PTPN14: variants seen among roughly 807,000 people sequenced by gnomAD.
PTPN14 encodes protein tyrosine phosphatase non-receptor type 14.
PTPN14 carries 53 observed loss-of-function variants against 126.8 expected under a neutral mutation model. The ratio of observed to expected loss-of-function variants is 0.42; its 90% CI spans 0.34 to 0.53. The LOEUF (loss-of-function observed/expected upper bound fraction) is 0.53. PTPN14 is among the 20% of genes least tolerant of loss of function. The probability of loss-of-function intolerance (pLI) is 0.08; values close to 1 mark genes in which losing one functional copy is unlikely to be tolerated. For synonymous variants in PTPN14, 630 were observed against 599.3 expected (o/e 1.05, Z -0.75); for missense variants, 1,257 against 1,552.9 (o/e 0.81, Z 3.20).
intron 3 of PTPN14, among the ~76,000 whole-genome samples, chr1:214,428,837 C>T (rs1659735310): frequency 6.6e-6 from 1 of 152,202 alleles, no homozygotes; most frequent in Non-Finnish European, 1.5e-5. Flanking sequence ...TTAAAAACAT[C>T]ATCATTTTTT....
intron 1 of PTPN14, among the ~76,000 whole-genome samples, chr1:214,524,007 G>A (rs953390417): frequency 1.3e-5 from 2 of 151,730 alleles, no homozygotes; most frequent in South Asian, 2.1e-4. Context: ...GCACCAACAC[G>A]CCTGGCTAAT....
intron 1 of PTPN14, among the ~76,000 whole-genome samples, chr1:214,523,282 C>T (rs12565444): frequency 0.029 from 4,473 of 152,218 alleles, 258 homozygotes; most frequent in East Asian, 0.26. Context: ...ACTGGAAGTC[C>T]TTCCTAACCA....
At chr1:214,425,190 G>A (rs1258067009) in intron 3 of PTPN14, among the ~76,000 whole-genome samples, 1 of 152,136 alleles carries the variant, frequency 6.6e-6, no homozygotes, top group Non-Finnish European at 1.5e-5. Flanking sequence ...AGACTCAGTA[G>A]ATGATCCTAG....
At chr1:214,514,555 T>C (rs551006403) in intron 1 of PTPN14, among the ~76,000 whole-genome samples, 1 of 148,602 alleles carries the variant, frequency 6.7e-6, no homozygotes, top group Non-Finnish European at 1.5e-5. Flanking sequence ...CTCTCTCTAC[T>C]AGACAGTCTG....
intron 1 of PTPN14, among the ~76,000 whole-genome samples, chr1:214,506,041 A>G (rs963481512): frequency 2.0e-5 from 3 of 152,198 alleles, no homozygotes; most frequent in African/African-American, 7.2e-5. Flanking sequence ...CCATGCATCC[A>G]CTGCTTAGGC....
chr1:214,485,647 C>A (rs1311443557), intron 1 of PTPN14, among the ~76,000 whole-genome samples: 1 of 152,190 alleles, frequency 6.6e-6, no homozygotes, highest in African/African-American at 2.4e-5. Flanking sequence ...AATGTAACCA[C>A]AGACATGGAG....
chr1:214,512,435 ACAAT>A (rs1317593132), intron 1 of PTPN14, among the ~76,000 whole-genome samples: 1 of 152,182 alleles, frequency 6.6e-6, no homozygotes, highest in South Asian at 2.1e-4. Context: ...TACAACTGAC[ACAAT>A]CAGTCAGTCA....
chr1:214,452,965 C>T (rs186596358), intron 2 of PTPN14, among the ~76,000 whole-genome samples: 2 of 152,266 alleles, frequency 1.3e-5, no homozygotes, highest in African/African-American at 4.8e-5. Context: ...AGCTGGCTGC[C>T]CCCTCAACAT....
At chr1:214,389,492 T>C (rs144205852) in intron 11 of PTPN14, among the ~76,000 whole-genome samples, 2 of 152,214 alleles carry the variant, frequency 1.3e-5, no homozygotes. Flanking sequence ...TGAGAAGTCC[T>C]GGTTATCAGC....
chr1:214,496,762 TTTAAC>T (rs138647066), intron 1 of PTPN14, among the ~76,000 whole-genome samples: 6,887 of 152,254 alleles, frequency 0.045, 210 homozygotes, highest in Non-Finnish European at 0.064. Context: ...ATGATTCAGT[TTTAAC>T]TTAATATCTA....
chr1:214,392,101 T>C (rs1274177473), intron 10 of PTPN14, among the ~76,000 whole-genome samples: 1 of 152,132 alleles, frequency 6.6e-6, no homozygotes, highest in Non-Finnish European at 1.5e-5. Context: ...GTTAAGATTA[T>C]GCCAGTTCAC....
intron 1 of PTPN14, among the ~76,000 whole-genome samples, chr1:214,495,659 TTTTTTTTATTTA>T (rs372320881): frequency 0.25 from 37,683 of 148,324 alleles, 5,079 homozygotes; most frequent in Middle Eastern, 0.32. Flanking sequence ...TGCTATTTTA[TTTTTTTTATTTA>T]TTTATTTATT....
At chr1:214,373,368 G>A (rs1038562689) in intron 15 of PTPN14, among the ~76,000 whole-genome samples, 6 of 152,076 alleles carry the variant, frequency 3.9e-5, no homozygotes, top group Non-Finnish European at 8.8e-5. Context: ...CCTGATCTTT[G>A]TTTGCAACTC....
chr1:214,360,876 T>C (rs1258262957), intron 18 of PTPN14, among the ~76,000 whole-genome samples: 8 of 151,910 alleles, frequency 5.3e-5, no homozygotes, highest in Admixed American at 5.2e-4. Flanking sequence ...TGGTGGGAGG[T>C]GATTGGAACA....
Position 214,376,199 on chromosome 1 carries a change from T to C in PTPN14, c.2907+20A>G. 6.2e-7 allele frequency: 1 copy of C among 1,603,608 alleles called. No individual in the cohort carries two copies. Among genetic ancestry groups the C allele is most frequent in the South Asian group, 1.1e-5 (1 of 90,536 alleles). On this transcript the variant is annotated intron_variant, in intron 15 of 18. Transcript: ENST00000366956. Reference sequence around the variant, plus strand: ...ACCCAGCCATCTTTACCAAACCTTCTAACAGGCTTGCCTTCTTACCTTGAT... The same window carrying C: ...ACCCAGCCATCTTTACCAAACCTTCCAACAGGCTTGCCTTCTTACCTTGAT...
chr1:214,426,904 G>A (rs3935749), intron 3 of PTPN14, among the ~76,000 whole-genome samples: 124,619 of 152,162 alleles, frequency 0.82, 51,379 homozygotes, highest in Middle Eastern at 0.89. Context: ...CTCTCCAGAA[G>A]AGAAGTACTA....
rs1207148296 is a variant in PTPN14, at chr1:214,358,015, C to T, written c.3471G>A (p.Arg1157=). 8 of 1,613,496 alleles carry T rather than the reference C, an allele frequency of 5.0e-6. No individual in the cohort carries two copies. Among genetic ancestry groups the T allele is most frequent in the African/African-American group, 1.3e-5 (1 of 74,880 alleles). ...VEVPMMLRLL[R]EQRMFMIQTI... Reference sequence around the variant, plus strand: ...TCTGGATCATGAACATCCTCTGCTCCCTGAGGAGCCTCAGCATCATGGGCA... The same window carrying T: ...TCTGGATCATGAACATCCTCTGCTCTCTGAGGAGCCTCAGCATCATGGGCA... Residue 1157 remains arginine, a synonymous_variant, in exon 19 of 19, where the codon AGG becomes AGA. Coordinates refer to ENST00000366956, the MANE Select transcript of PTPN14 (RefSeq NM_005401.5).
chr1:214,402,437 C>CAAAAAAAAAAAAAAAAAAAAAAAAAA (rs1165595746), intron 6 of PTPN14, among the ~76,000 whole-genome samples: 4 of 48,164 alleles, frequency 8.3e-5, no homozygotes, highest in Non-Finnish European at 1.1e-4. Flanking sequence ...GAGACTCTGT[C>CAAAAAAAAAAAAAAAAAAAAAAAAAA]AAAAAAAAAA....
At chr1:214,523,127 T>C (rs1231525768) in intron 1 of PTPN14, among the ~76,000 whole-genome samples, 1 of 152,180 alleles carries the variant, frequency 6.6e-6, no homozygotes, top group East Asian at 1.9e-4. Flanking sequence ...TGTCACAATA[T>C]AGGATCTACA....
Sources: allele counts gnomAD v4.1 joint callset (sites outside exome capture counted in the v4.1 genomes callset), GRCh38; gene constraint gnomAD v4.1.1; transcripts MANE v1.5; gene names NCBI Gene and HGNC (gene_info 2026-07-23, HGNC 2026-07-21).